The following KCNC3 variants were observed in gnomAD, a reference collection of about 807,000 sequenced individuals.
KCNC3 encodes the protein potassium voltage-gated channel subfamily C member 3.
KCNC3 carries 22 observed loss-of-function variants against 43.9 expected under a neutral mutation model. The observed-to-expected ratio is 0.50, with a 90% CI of 0.36 to 0.72. The LOEUF is 0.72. Ranked by LOEUF, KCNC3 falls within the 30% of genes least tolerant of loss-of-function variation. The probability of loss-of-function intolerance (pLI) is 0.00; values close to 1 mark genes in which losing one functional copy is unlikely to be tolerated. For missense variants in KCNC3, 829 were observed against 1,073.8 expected, an observed-to-expected ratio of 0.77 and a Z score of 3.19; for synonymous variants, 492 against 488.0, an observed-to-expected ratio of 1.01 and a Z score of -0.11.
intron 1 of KCNC3, among the ~76,000 whole-genome samples, chr19:50,326,925 G>T (rs184487269): frequency 2.6e-5 from 4 of 151,110 alleles, no homozygotes; most frequent in African/African-American, 4.9e-5. Flanking sequence ...TGCACGGCGG[G>T]GGGGGAGGTT....
intron 1 of KCNC3, among the ~76,000 whole-genome samples, chr19:50,326,532 C>A (rs548871926): frequency 6.8e-6 from 1 of 147,824 alleles, no homozygotes; most frequent in Non-Finnish European, 1.5e-5. Flanking sequence ...GCGTCCTTCC[C>A]GGCTCAGGAC....
chr19:50,330,782 GGAGT>G (rs1403074842), upstream of KCNC3, among the ~76,000 whole-genome samples: 6 of 152,162 alleles, frequency 3.9e-5, no homozygotes, highest in Admixed American at 6.5e-5. Context: ...GGGGAAGAAT[GGAGT>G]GAGGGGCGGG....
At chr19:50,317,895 G>A (rs1302756522) in intron 4 of KCNC3, among the ~76,000 whole-genome samples, 3 of 152,016 alleles carry the variant, frequency 2.0e-5, no homozygotes, top group Non-Finnish European at 1.5e-5. Context: ...AGACTCCTGG[G>A]CTCAGACAGT....
chr19:50,323,122 C>T lies in KCNC3; in HGVS notation c.1831G>A (p.Gly611Arg), dbSNP rs1159473122. 8.5e-6 allele frequency: 13 copies of T among 1,536,232 alleles called. No individual in the cohort carries two copies. The highest frequency in any genetic ancestry group is 2.2e-4 in the Middle Eastern group (1 of 4,484). Residue 611 changes from glycine (G) to arginine (R), a missense_variant, in exon 2 of 5, where the codon GGG (glycine) becomes AGG (arginine). By Grantham distance (125) the Gly-to-Arg change is moderately radical (BLOSUM62 -2). Transcript: ENST00000477616. ...GTGTGGGGCCCCGCTGGGTAGGCCCCGGCCACAGTCACCCCCATGGAGGGT... is the reference window on the plus strand; with the variant it reads ...GTGTGGGGCCCCGCTGGGTAGGCCCTGGCCACAGTCACCCCCATGGAGGGT... ...TPPSMGVTVA[G>R]AYPAGPHTHP...
At chr19:50,328,063 GC>G in intron 1 of KCNC3, 149 bp downstream of exon 1, 1 of 375,810 alleles carries the variant, frequency 2.7e-6, no homozygotes, top group Non-Finnish European at 4.0e-6. Context: ...GTTCGGAGGA[GC>G]CCAGGAGACT....
At chr19:50,322,164 C>G (rs1023059959) in intron 2 of KCNC3, among the ~76,000 whole-genome samples, 6 of 149,480 alleles carry the variant, frequency 4.0e-5, no homozygotes, top group Admixed American at 1.3e-4. Context: ...GGGGGGGCCA[C>G]CAGCCTCTCC....
intron 4 of KCNC3, among the ~76,000 whole-genome samples, chr19:50,317,415 C>T (rs1020443206): frequency 3.9e-5 from 6 of 152,114 alleles, no homozygotes; most frequent in African/African-American, 9.7e-5. Context: ...TCCCCTATGG[C>T]ATCTCCTTAG....
rs977600027 is a variant in KCNC3 at position 50,314,419 on chromosome 19, A to G, written c.*1696T>C. On this transcript the variant is annotated 3_prime_UTR_variant, in exon 5 of 5. Coordinates refer to ENST00000477616, the MANE Select transcript of KCNC3 (RefSeq NM_004977.3). Reference sequence around the variant, plus strand: ...CCCCGGGAGGTGCCACCCCCTTCCCAGAGTGCCTGCCCCTCAAACCCGCGC... The same window carrying G: ...CCCCGGGAGGTGCCACCCCCTTCCCGGAGTGCCTGCCCCTCAAACCCGCGC... The G allele has an allele frequency of 2.9e-5, 5 of 173,476 alleles. No individual in the cohort carries two copies. The highest frequency in any genetic ancestry group is 1.2e-4 in the African/African-American group (5 of 41,504). 10.7% of individuals were successfully genotyped at this position (173,476 alleles called of 1,614,324 possible).
At position 50,324,218 on chromosome 19, in the gene KCNC3, G is replaced by A; in HGVS notation, c.871-136C>T. ...CTCTGGGCAAAATCCAGGTGTCTCA[G>A]CCCTGTGGCTCCATCACTTCCAGAA... On this transcript the variant is annotated intron_variant, in intron 1 of 4. Transcript: ENST00000477616. This position sits in a 1 kb window ranked among gnomAD's most constrained non-coding sequence, Gnocchi z 4.1. 1.3e-6 allele frequency: 1 copy of A among 752,818 alleles called. No individual in the cohort carries two copies. Among genetic ancestry groups the A allele is most frequent in the South Asian group, 1.9e-5 (1 of 52,092 alleles). The allele number at this position is 752,818 out of a possible 1,614,324, so 46.6% of individuals were successfully genotyped here. A position where few individuals can be genotyped will look rare whatever the true frequency, so the allele number is the denominator to read the frequency against.
In KCNC3 at chr19:50,312,706, A is replaced by G. The variant is rs1361243853; in HGVS notation, c.*3409T>C. On this transcript the variant is annotated 3_prime_UTR_variant, in exon 5 of 5. Transcript: ENST00000477616. ...GCGAGCAGGGGGAGACGTTGGGAAG[A>G]GGTCAGTACCCTTTGGAAAAGACCC... 6.6e-6 allele frequency: 1 copy of G among 152,110 alleles called. No individual in the cohort carries two copies. The highest frequency in any genetic ancestry group is 2.4e-5 in the African/African-American group (1 of 41,400). 9.4% of individuals were successfully genotyped at this position (152,110 alleles called of 1,614,324 possible).
In KCNC3 at chr19:50,315,087, CAG is replaced by C. The variant is rs905463684; in HGVS notation, c.*1026_*1027del. ...GAGACCCAAGGCAGGGAGAAAGAGACAGAGAGAGAAAGAAATGGAAGGGGAGG... is the reference window on the plus strand; with the variant it reads ...GAGACCCAAGGCAGGGAGAAAGAGACAGAGAGAAAGAAATGGAAGGGGAGG... On this transcript the variant is annotated 3_prime_UTR_variant, in exon 5 of 5. Transcript: ENST00000477616. The C allele has an allele frequency of 2.1e-5, 4 of 187,232 alleles. No homozygotes were observed. Among genetic ancestry groups the C allele is most frequent in the African/African-American group, 5.2e-5 (2 of 38,692 alleles). 11.6% of individuals were successfully genotyped at this position (187,232 alleles called of 1,614,324 possible). A position where few individuals can be genotyped will look rare whatever the true frequency, so the allele number is the denominator to read the frequency against.
chr19:50,325,438 C>T (rs2037090347), intron 1 of KCNC3, among the ~76,000 whole-genome samples: 1 of 151,434 alleles, frequency 6.6e-6, no homozygotes, highest in Non-Finnish European at 1.5e-5. Flanking sequence ...TCCCTCTGTG[C>T]ACCCCCCTTC....
At chr19:50,329,666 A>T (rs1405058397), upstream of KCNC3, 1 of 152,332 alleles carries the variant, frequency 6.6e-6, no homozygotes, top group Non-Finnish European at 1.5e-5. Context: ...TGGAAGAGAC[A>T]GGGCCGCAGA....
chr19:50,322,927 C>T, intron 2 of KCNC3, 48 bp downstream of exon 2: 1 of 1,535,118 alleles, frequency 6.5e-7, no homozygotes, highest in Non-Finnish European at 8.8e-7. Context: ...CTCCCCAGTC[C>T]TCCCCGGGTC....
intron 1 of KCNC3, among the ~76,000 whole-genome samples, chr19:50,327,592 TG>T (rs1206871435): frequency 2.6e-5 from 4 of 151,486 alleles, no homozygotes; most frequent in Non-Finnish European, 2.9e-5. Context: ...GATTCAAACT[TG>T]GAGAGAGAGG....
At chr19:50,325,427 G>C (rs1277587997) in intron 1 of KCNC3, among the ~76,000 whole-genome samples, 3 of 151,924 alleles carry the variant, frequency 2.0e-5, no homozygotes, top group Admixed American at 6.6e-5. Flanking sequence ...GGCCAGCACT[G>C]TCCCTCTGTG....
rs1231274478 is a variant in KCNC3 at position 50,323,217 on chromosome 19, G to A, written c.1736C>T (p.Pro579Leu). ...CGGGTGGGGCGGGGGTGGCGGGGGT[G>A]GGTCAGGCTTGCAGTAGTTGGGCGA... ...PGSPNYCKPD[P>L]PPPPPPHPHH... Residue 579 changes from proline (P) to leucine (L), a missense_variant, in exon 2 of 5, where the codon CCA (proline) becomes CTA (leucine). Pro to Leu is a moderately conservative substitution (Grantham distance 98). Transcript: ENST00000477616. The A allele has an allele frequency of 1.3e-6, 2 of 1,542,856 alleles. No individual in the cohort carries two copies. The highest frequency in any genetic ancestry group is 1.7e-6 in the Non-Finnish European group (2 of 1,149,718).
chr19:50,316,779 A>G (rs1302488252), intron 4 of KCNC3, among the ~76,000 whole-genome samples: 1 of 149,800 alleles, frequency 6.7e-6, no homozygotes, highest in African/African-American at 2.5e-5. Flanking sequence ...TTGTGGTAGG[A>G]GAGACTCTTG....
chr19:50,323,305 T>C lies in KCNC3; in HGVS notation c.1648A>G (p.Met550Val), dbSNP rs1064796737. ...NNFGMYYSLAMAKQKLPKKKN... is the reference protein window; with the variant it reads ...NNFGMYYSLAVAKQKLPKKKN... ...TTCTTGGGCAGCTTCTGCTTGGCCA[T>C]GGCCAGCGAATAGTACATGCCAAAG... Residue 550 changes from methionine (M) to valine (V), a missense_variant, in exon 2 of 5, where the codon ATG becomes GTG. Met to Val is a conservative substitution (Grantham distance 21). Transcript: ENST00000477616. The C allele has an allele frequency of 2.5e-6, 4 of 1,612,446 alleles. No individual in the cohort carries two copies. In the Admixed American group the frequency reaches 5.0e-5, roughly 20 times the overall value.
Sources: allele counts gnomAD v4.1 joint callset (sites outside exome capture counted in the v4.1 genomes callset), GRCh38; gene constraint gnomAD v4.1.1; non-coding constraint Gnocchi (gnomAD v3.1); transcripts MANE v1.5; gene names NCBI Gene and HGNC (gene_info 2026-07-23, HGNC 2026-07-21).